Variants in PLRG1 observed in about 807,000 individuals in gnomAD.
The protein encoded by PLRG1 is pleiotropic regulator 1.
In PLRG1, 28 loss-of-function variants were observed where a neutral mutation model predicts 74.9. The ratio of observed to expected loss-of-function variants is 0.37; its 90% CI spans 0.28 to 0.51. PLRG1 has a LOEUF of 0.51. Among genes scored for constraint, PLRG1 ranks in the 20% least tolerant of loss-of-function variants. PLRG1 has a pLI of 0.91. For missense variants in PLRG1, 445 were observed against 631.9 expected (o/e 0.70, Z 3.17); for synonymous variants, 197 against 212.4 (o/e 0.93, Z 0.63).
chr4:154,545,408 G>A (rs888624622), intron 6 of PLRG1, among the ~76,000 whole-genome samples: 1 of 151,896 alleles, frequency 6.6e-6, no homozygotes, highest in Non-Finnish European at 1.5e-5. Flanking sequence ...CTTACAAACA[G>A]ATAAACTTAT....
chr4:154,547,059 C>G lies in PLRG1; in HGVS notation c.265G>C (p.Glu89Gln). 1 of 1,611,634 alleles carries G rather than the reference C, an allele frequency of 6.2e-7. No individual in the cohort carries two copies. Among genetic ancestry groups the G allele is most frequent in the Non-Finnish European group, 8.5e-7 (1 of 1,177,834 alleles). Residue 89 changes from glutamate (E) to glutamine (Q), a missense_variant, in exon 4 of 15, where the codon GAA (glutamate) becomes CAA (glutamine). By Grantham distance (29) the Glu-to-Gln change is conservative. This residue lies in a region of PLRG1 where 206 missense variants were observed against 210.8 expected (regional missense o/e 0.98). Transcript: ENST00000499023. ...HKQYPANQGQEVEYFVAGTHP... is the reference protein window; with the variant it reads ...HKQYPANQGQQVEYFVAGTHP... ...GTACCTGCCACAAAGTATTCAACTT[C>G]TTGTCCTAAAAAAACACAAAAAAAA...
chr4:154,537,194 AAAGATT>A (rs1433830923), intron 14 of PLRG1, 86 bp downstream of exon 14: 1 of 737,656 alleles, frequency 1.4e-6, no homozygotes, highest in Non-Finnish European at 2.2e-6. Flanking sequence ...TAAATACTAT[AAAGATT>A]ATTTTTCCTT....
At chr4:154,546,894 G>A in intron 4 of PLRG1, 117 bp downstream of exon 4, 1 of 781,918 alleles carries the variant, frequency 1.3e-6, no homozygotes, top group Non-Finnish European at 2.3e-6. Flanking sequence ...ATGCATGGAT[G>A]CTTGGCTACT....
intron 2 of PLRG1, 50 bp from the exon 3 acceptor site, chr4:154,547,903 A>C (rs780508394): frequency 2.0e-5 from 27 of 1,372,926 alleles, no homozygotes; most frequent in Non-Finnish European, 2.7e-5. Context: ...ACTTTAAAAC[A>C]AACACTTAGC....
Position 154,544,554 on chromosome 4 carries a change from T to A in PLRG1, c.493-8A>T. ...GCCAGTCTCCATGACAATCTAGACA[T>A]AGAAGAGACATTATTATTATTAAAG... is the stretch of plus-strand genomic sequence containing the variant. On this transcript the variant is annotated splice_polypyrimidine_tract_variant and splice_region_variant and intron_variant, in intron 6 of 14. Coordinates refer to ENST00000499023, the MANE Select transcript of PLRG1 (RefSeq NM_002669.4). The A allele has an allele frequency of 6.8e-7, 1 of 1,470,456 alleles. No homozygotes were observed. The highest frequency in any genetic ancestry group is 9.5e-7 in the Non-Finnish European group (1 of 1,049,810). 91.1% of individuals were successfully genotyped at this position (1,470,456 alleles called of 1,614,324 possible). A position where few individuals can be genotyped will look rare whatever the true frequency, so the allele number is the denominator to read the frequency against.
intron 6 of PLRG1, 86 bp downstream of exon 6, chr4:154,545,750 T>C (rs1578770584): frequency 2.7e-6 from 2 of 749,196 alleles, no homozygotes; most frequent in Non-Finnish European, 4.5e-6. Flanking sequence ...CAGGCTGCTA[T>C]TTATCTTAAT....
At chr4:154,538,828 ATC>A (rs1729503329) in intron 12 of PLRG1, among the ~76,000 whole-genome samples, 2 of 152,150 alleles carry the variant, frequency 1.3e-5, no homozygotes, top group South Asian at 4.1e-4. Context: ...AGCCACTAAT[ATC>A]TTTTATTTTG....
chr4:154,538,951 A>T, intron 12 of PLRG1, 154 bp downstream of exon 12: 2 of 569,636 alleles, frequency 3.5e-6, no homozygotes, highest in Non-Finnish European at 6.3e-6. Context: ...ATAGTGCATG[A>T]GGAAAATAAA....
chr4:154,547,845 C>T lies in PLRG1; in HGVS notation c.125G>A (p.Arg42Gln), dbSNP rs866279454. ...PVPLDEESHK[R>Q]KMAIKLRNEY... is the part of the protein sequence containing the mutation. ...ATTACGAAGCTTGATTGCCATTTTT[C>T]GTTTGTGACTATTTAGAAATTATAA... Residue 42 changes from arginine (R) to glutamine (Q), a missense_variant, in exon 3 of 15, where the codon CGA becomes CAA. This residue lies in a region of PLRG1 where 206 missense variants were observed against 210.8 expected (regional missense o/e 0.98). Coordinates refer to ENST00000499023, the MANE Select transcript of PLRG1 (RefSeq NM_002669.4). 3.1e-6 allele frequency: 5 copies of T among 1,603,652 alleles called. No individual in the cohort carries two copies. Among genetic ancestry groups the T allele is most frequent in the East Asian group, 2.2e-5 (1 of 44,688 alleles).
chr4:154,547,192 C>T (rs1364510231), intron 3 of PLRG1, 128 bp from the exon 4 acceptor site: 1 of 740,620 alleles, frequency 1.4e-6, no homozygotes, highest in African/African-American at 1.8e-5. Flanking sequence ...TAAAGTCAAG[C>T]CTCAGAAATA....
chr4:154,549,717 G>A, intron 1 of PLRG1: 1 of 456,340 alleles, frequency 2.2e-6, no homozygotes, highest in Non-Finnish European at 4.4e-6. Context: ...ACCAACCAAC[G>A]GGGAGCTAAT....
chr4:154,544,226 C>T (rs1729607232), intron 7 of PLRG1, among the ~76,000 whole-genome samples: 1 of 152,160 alleles, frequency 6.6e-6, no homozygotes, highest in Non-Finnish European at 1.5e-5. Context: ...TTTATCTTGA[C>T]ATTTCATACT....
intron 6 of PLRG1, 99 bp from the exon 7 acceptor site, chr4:154,544,645 G>T (rs1578769758): frequency 1.5e-6 from 1 of 660,676 alleles, no homozygotes; most frequent in Admixed American, 3.0e-5. Flanking sequence ...ACTTACAAAA[G>T]AATTTTTCCA....
At position 154,536,098 on chromosome 4, in the gene PLRG1, G is replaced by C. The variant is rs1033163950; in HGVS notation, c.*587C>G. On this transcript the variant is annotated 3_prime_UTR_variant, in exon 15 of 15. Coordinates refer to ENST00000499023, the MANE Select transcript of PLRG1 (RefSeq NM_002669.4). ...TGGTCTTATCCCTTCTGTTCCCCCAGCATTTCACCTGCACCTCTGTTACAG... is the reference window on the plus strand; with the variant it reads ...TGGTCTTATCCCTTCTGTTCCCCCACCATTTCACCTGCACCTCTGTTACAG... 2 of 152,934 alleles carry C rather than the reference G, an allele frequency of 1.3e-5. No homozygotes were observed. Among genetic ancestry groups the C allele is most frequent in the African/African-American group, 4.8e-5 (2 of 41,408 alleles). 9.5% of individuals were successfully genotyped at this position (152,934 alleles called of 1,614,324 possible). A position where few individuals can be genotyped will look rare whatever the true frequency, so the allele number is the denominator to read the frequency against.
At chr4:154,547,470 G>A (rs1327178607) in intron 3 of PLRG1, 3 of 550,036 alleles carry the variant, frequency 5.5e-6, no homozygotes, top group Non-Finnish European at 6.4e-6. Flanking sequence ...TCTCTACTGT[G>A]ACCTTCTCCA....
At position 154,539,090 on chromosome 4, in the gene PLRG1, G is replaced by A; in HGVS notation, c.1151+15C>T. 5.7e-6 allele frequency: 8 copies of A among 1,409,582 alleles called. No individual in the cohort carries two copies. Among genetic ancestry groups the A allele is most frequent in the Non-Finnish European group, 8.1e-6 (8 of 993,694 alleles). The allele number at this position is 1,409,582 out of a possible 1,614,324, so 87.3% of individuals were successfully genotyped here. ...CTGAAGAAAAACAAGAAGCTAATTAGGAAAATACACTTACTGTCTTGGATG... is the reference window on the plus strand; with the variant it reads ...CTGAAGAAAAACAAGAAGCTAATTAAGAAAATACACTTACTGTCTTGGATG... On this transcript the variant is annotated intron_variant, in intron 12 of 14. Transcript: ENST00000499023.
intron 1 of PLRG1, among the ~76,000 whole-genome samples, chr4:154,549,400 A>G (rs559389370): frequency 1.3e-5 from 2 of 152,368 alleles, no homozygotes; most frequent in African/African-American, 2.4e-5. Context: ...ATTTAAGCAG[A>G]AAGGGAGTTA....
Position 154,535,017 on chromosome 4 carries a change from T to C in PLRG1, c.*1668A>G, listed in dbSNP as rs1328634901. 1.3e-5 allele frequency: 2 copies of C among 152,120 alleles called. No homozygotes were observed. The highest frequency in any genetic ancestry group is 2.9e-5 in the Non-Finnish European group (2 of 68,016). 9.4% of individuals were successfully genotyped at this position (152,120 alleles called of 1,614,324 possible). Reference sequence around the variant, plus strand: ...AGGAATGCAAGTGTAGTGTTCTTTTTTCTTTATTTAAGTTTACGAAATACA... The same window carrying C: ...AGGAATGCAAGTGTAGTGTTCTTTTCTCTTTATTTAAGTTTACGAAATACA... On this transcript the variant is annotated 3_prime_UTR_variant, in exon 15 of 15. Transcript: ENST00000499023.
intron 10 of PLRG1, 59 bp downstream of exon 10, chr4:154,540,535 A>C (rs62330410): frequency 0.31 from 349,764 of 1,117,388 alleles, 57,268 homozygotes; most frequent in Middle Eastern, 0.38. Context: ...TGAAACCGAA[A>C]GTGCACCCTA....
Sources: allele counts gnomAD v4.1 joint callset (sites outside exome capture counted in the v4.1 genomes callset), GRCh38; gene constraint gnomAD v4.1.1; regional missense constraint gnomAD v4.1.1; transcripts MANE v1.5; gene names NCBI Gene and HGNC (gene_info 2026-07-23, HGNC 2026-07-21).